VDR: variants seen among roughly 807,000 people sequenced by gnomAD.
VDR encodes vitamin D receptor.
In VDR, 19 loss-of-function variants were observed where a neutral mutation model predicts 39.7. That is an observed-to-expected ratio of 0.48 (90% CI 0.33 to 0.70). The LOEUF is 0.70. Ranked by LOEUF, VDR falls within the 30% of genes least tolerant of loss-of-function variation. The probability of loss-of-function intolerance (pLI) is 0.02; values close to 1 mark genes in which losing one functional copy is unlikely to be tolerated. For synonymous variants in VDR, 242 were observed against 215.8 expected (o/e 1.12, Z -1.07); for missense variants, 442 against 570.5 (o/e 0.77, Z 2.29).
intron 1 of VDR, chr12:47,904,593 G>C: frequency 6.5e-7 from 1 of 1,534,610 alleles, no homozygotes; most frequent in Non-Finnish European, 8.7e-7. Context: ...GAGCACCATC[G>C]ACAGCCAATC....
intron 1 of VDR, among the ~76,000 whole-genome samples, chr12:47,883,132 C>T (rs1946191372): frequency 6.6e-6 from 1 of 152,124 alleles, no homozygotes; most frequent in African/African-American, 2.4e-5. Flanking sequence ...GTTAGGGAGA[C>T]CCACACTCTC....
intron 1 of VDR, among the ~76,000 whole-genome samples, chr12:47,891,670 C>G (rs975681016): frequency 6.6e-6 from 1 of 152,210 alleles, no homozygotes; most frequent in African/African-American, 2.4e-5. Flanking sequence ...TTTTCCTCCA[C>G]GTAAAACATA....
chr12:47,865,371 C>T (rs1271169080), intron 3 of VDR, among the ~76,000 whole-genome samples, 194 bp from the exon 4 acceptor site: 1 of 152,192 alleles, frequency 6.6e-6, no homozygotes, highest in Non-Finnish European at 1.5e-5. Context: ...TCATTGCCTG[C>T]CCAGCTCCAA....
intron 4 of VDR, among the ~76,000 whole-genome samples, chr12:47,859,994 G>A (rs913014606): frequency 2.0e-4 from 26 of 128,172 alleles, no homozygotes; most frequent in East Asian, 2.4e-4. Flanking sequence ...ACAGACTCTC[G>A]CTCTATTATC....
rs368729085 is a variant in VDR, at chr12:47,846,812, C to G, written c.756-4G>C. 1.4e-5 allele frequency: 22 copies of G among 1,614,112 alleles called. No homozygotes were observed. The East Asian group carries it at 3.8e-4, about 28-fold the overall frequency. ...CTGGTCCTCAGAGGTGAGGTCTCTGCAGGGGAGGGAGGGAAGGAGGTCAGG... is the reference window on the plus strand; with the variant it reads ...CTGGTCCTCAGAGGTGAGGTCTCTGGAGGGGAGGGAGGGAAGGAGGTCAGG... On this transcript the variant is annotated splice_region_variant and splice_polypyrimidine_tract_variant and intron_variant, in intron 7 of 9. Transcript: ENST00000549336.
At chr12:47,866,187 A>G (rs1375838850) in intron 3 of VDR, among the ~76,000 whole-genome samples, 3 of 151,390 alleles carry the variant, frequency 2.0e-5, no homozygotes, top group Non-Finnish European at 4.4e-5. Flanking sequence ...AGCTCACTGC[A>G]AGCTCCACCT....
intron 9 of VDR, among the ~76,000 whole-genome samples, chr12:47,845,660 T>C (rs1252834623): frequency 2.0e-5 from 3 of 152,152 alleles, no homozygotes; most frequent in Admixed American, 2.0e-4. Flanking sequence ...AATAAATTGT[T>C]GCTAAGTGGA....
intron 4 of VDR, among the ~76,000 whole-genome samples, chr12:47,863,968 C>T (rs976834068): frequency 6.6e-6 from 1 of 152,206 alleles, no homozygotes; most frequent in Non-Finnish European, 1.5e-5. Flanking sequence ...CTTCCTGTTA[C>T]CTGACCTCTC....
intron 1 of VDR, among the ~76,000 whole-genome samples, chr12:47,898,117 T>A (rs1369759150): frequency 6.6e-6 from 1 of 152,284 alleles, no homozygotes; most frequent in East Asian, 1.9e-4. Context: ...CAAGCACTGC[T>A]GGTGGAAGCC....
chr12:47,846,301 A>G, intron 9 of VDR, 34 bp downstream of exon 9: 12 of 1,591,070 alleles, frequency 7.5e-6, no homozygotes, highest in Non-Finnish European at 1.0e-5. Context: ...CCCGCTCCCC[A>G]GGTCCCTGAG....
intron 1 of VDR, among the ~76,000 whole-genome samples, chr12:47,887,178 C>T (rs990521639): frequency 6.6e-6 from 1 of 151,770 alleles, no homozygotes. Context: ...AAAAATTAGC[C>T]GGCTTTGGTG....
chr12:47,859,911 TTCC>T (rs1565615317), intron 4 of VDR, among the ~76,000 whole-genome samples: 29 of 43,718 alleles, frequency 6.6e-4, no homozygotes, highest in African/African-American at 1.9e-3. Flanking sequence ...CCTTCCTTCC[TTCC>T]TTCTTTCTTT....
intron 1 of VDR, among the ~76,000 whole-genome samples, chr12:47,886,910 C>G (rs953658129): frequency 1.3e-5 from 2 of 152,188 alleles, no homozygotes; most frequent in Non-Finnish European, 2.9e-5. Flanking sequence ...AATGGCTCCT[C>G]CTAGATAGCT....
In VDR at chr12:47,844,957, C is replaced by A. The variant is rs114678556; in HGVS notation, c.1073G>T (p.Arg358Leu). The change falls in exon 10 of 10, where the codon CGC becomes CTC. Residue 358 changes from arginine to leucine, a missense_variant. Physicochemically the swap from Arg to Leu is moderately radical, Grantham distance 102. This residue lies in a region of VDR where 173 missense variants were observed against 252.0 expected (regional missense o/e 0.69). Coordinates refer to ENST00000549336, the MANE Select transcript of VDR (RefSeq NM_000376.3). ...DAALIEAIQD[R>L]LSNTLQTYIR... ...GTACGTCTGCAGTGTGTTGGACAGG[C>A]GGTCCTGGATGGCCTCAATCAGCGC... 1.9e-6 allele frequency: 3 copies of A among 1,613,814 alleles called. No homozygotes were observed. Among genetic ancestry groups the A allele is most frequent in the Non-Finnish European group, 2.5e-6 (3 of 1,179,982 alleles).
intron 1 of VDR, among the ~76,000 whole-genome samples, chr12:47,884,607 TA>T (rs1251733425): frequency 1.3e-5 from 2 of 152,144 alleles, no homozygotes; most frequent in Non-Finnish European, 2.9e-5. Context: ...GCCCCTATCT[TA>T]GGGGTGGAAA....
chr12:47,847,282 ACCAGG>A (rs1405385452), intron 7 of VDR, among the ~76,000 whole-genome samples: 1 of 151,884 alleles, frequency 6.6e-6, no homozygotes, highest in Non-Finnish European at 1.5e-5. Flanking sequence ...TCCCACTCCT[ACCAGG>A]AGTGCCCTGG....
chr12:47,880,869 TTA>T (rs1946134809), intron 2 of VDR, among the ~76,000 whole-genome samples: 1 of 147,206 alleles, frequency 6.8e-6, no homozygotes, highest in South Asian at 2.1e-4. Flanking sequence ...TTAATATATA[TTA>T]TATATTAATA....
intron 1 of VDR, among the ~76,000 whole-genome samples, chr12:47,887,654 G>C (rs191789838): frequency 6.6e-6 from 1 of 152,364 alleles, no homozygotes; most frequent in East Asian, 1.9e-4. Context: ...GGAGAGAACA[G>C]TGTCTGTTCT....
intron 1 of VDR, among the ~76,000 whole-genome samples, chr12:47,887,918 A>G (rs1946288201): frequency 6.6e-6 from 1 of 152,220 alleles, no homozygotes; most frequent in Non-Finnish European, 1.5e-5. Flanking sequence ...TTTTGGGACT[A>G]TGCATCACCT....
Sources: allele counts gnomAD v4.1 joint callset (sites outside exome capture counted in the v4.1 genomes callset), GRCh38; gene constraint gnomAD v4.1.1; regional missense constraint gnomAD v4.1.1; transcripts MANE v1.5; gene names NCBI Gene and HGNC (gene_info 2026-07-23, HGNC 2026-07-21).